The following ARHGAP10 variants were observed in gnomAD, a reference collection of about 807,000 sequenced individuals.
ARHGAP10 encodes the protein Rho GTPase activating protein 10.
A neutral mutation model predicts 108.6 loss-of-function variants in ARHGAP10; 87 were observed. The ratio of observed to expected loss-of-function variants is 0.80; its 90% CI spans 0.67 to 0.96. The LOEUF is 0.96. Ranked by LOEUF, ARHGAP10 falls within the 40% of genes least tolerant of loss-of-function variation. ARHGAP10 has a pLI of 0.00. For missense variants in ARHGAP10, 939 were observed against 954.5 expected, an observed-to-expected ratio of 0.98 and a Z score of 0.21; for synonymous variants, 347 against 341.1, an observed-to-expected ratio of 1.02 and a Z score of -0.19.
At chr4:147,972,928 AT>A in intron 18 of ARHGAP10, among the ~76,000 whole-genome samples, 1 of 151,470 alleles carries the variant, frequency 6.6e-6, no homozygotes, top group Admixed American at 6.6e-5. Flanking sequence ...CTAATTTTGT[AT>A]TTTTTAGTAG....
At chr4:147,737,482 G>A (rs1728471089) in intron 1 of ARHGAP10, among the ~76,000 whole-genome samples, 1 of 150,622 alleles carries the variant, frequency 6.6e-6, no homozygotes, top group Admixed American at 6.6e-5. Context: ...ATAAAGTGGT[G>A]TAATTGTAAA....
At chr4:148,058,308 T>C (rs1402252201) in intron 20 of ARHGAP10, among the ~76,000 whole-genome samples, 1 of 152,222 alleles carries the variant, frequency 6.6e-6, no homozygotes, top group Admixed American at 6.5e-5. Flanking sequence ...AACTTCTGAT[T>C]TGATCTCGTA....
intron 18 of ARHGAP10, among the ~76,000 whole-genome samples, chr4:147,977,633 A>G (rs372043748): frequency 1.3e-5 from 2 of 152,278 alleles, no homozygotes; most frequent in East Asian, 1.9e-4. Flanking sequence ...TTGAAATCTC[A>G]GCTCCACTCA....
At chr4:148,018,129 T>G (rs1741420189) in intron 18 of ARHGAP10, among the ~76,000 whole-genome samples, 1 of 152,204 alleles carries the variant, frequency 6.6e-6, no homozygotes, top group Non-Finnish European at 1.5e-5. Flanking sequence ...TTTCTTATGT[T>G]GTAAATACGT....
intron 3 of ARHGAP10, among the ~76,000 whole-genome samples, chr4:147,839,121 T>TATCC (rs1481904606): frequency 4.0e-5 from 6 of 148,490 alleles, no homozygotes; most frequent in Non-Finnish European, 7.5e-5. Context: ...TCTATCTATC[T>TATCC]ATCTATCTAT....
intron 20 of ARHGAP10, among the ~76,000 whole-genome samples, chr4:148,056,168 C>T (rs570189776): frequency 7.3e-4 from 111 of 152,232 alleles, no homozygotes; most frequent in Non-Finnish European, 1.1e-3. Context: ...AATAAGTTTA[C>T]TGATCTTGAG....
At chr4:147,815,460 A>G (rs566753337) in intron 1 of ARHGAP10, among the ~76,000 whole-genome samples, 4 of 151,568 alleles carry the variant, frequency 2.6e-5, no homozygotes, top group Non-Finnish European at 2.9e-5. Flanking sequence ...CCCTGAGATT[A>G]TTGGCCGGAG....
At chr4:147,785,359 T>C (rs1374110261) in intron 1 of ARHGAP10, among the ~76,000 whole-genome samples, 2 of 152,132 alleles carry the variant, frequency 1.3e-5, no homozygotes, top group East Asian at 3.8e-4. Flanking sequence ...ATTTGACATG[T>C]ATTGGTACAG....
chr4:147,885,661 C>T (rs1735518803), intron 10 of ARHGAP10, among the ~76,000 whole-genome samples: 1 of 152,180 alleles, frequency 6.6e-6, no homozygotes, highest in Non-Finnish European at 1.5e-5. Flanking sequence ...TCACGTTTGA[C>T]CTCCTGAAAC....
chr4:147,755,754 CTGGACTAT>C (rs1729341234), intron 1 of ARHGAP10, among the ~76,000 whole-genome samples: 1 of 152,052 alleles, frequency 6.6e-6, no homozygotes, highest in Non-Finnish European at 1.5e-5. Context: ...CTTTTAGAAG[CTGGACTAT>C]CACGAAAGAA....
chr4:148,005,953 GA>G (rs1740930133), intron 18 of ARHGAP10, among the ~76,000 whole-genome samples: 1 of 152,198 alleles, frequency 6.6e-6, no homozygotes, highest in African/African-American at 2.4e-5. Context: ...TCTTAGTGCA[GA>G]TTAAAAGTAG....
chr4:147,746,633 G>A (rs181252971), intron 1 of ARHGAP10, among the ~76,000 whole-genome samples: 187 of 151,974 alleles, frequency 1.2e-3, no homozygotes, highest in African/African-American at 4.2e-3. Context: ...CAGCTGATCC[G>A]CCCACCTCAG....
intron 10 of ARHGAP10, among the ~76,000 whole-genome samples, chr4:147,893,119 C>A (rs986435447): frequency 6.6e-6 from 1 of 151,914 alleles, no homozygotes; most frequent in African/African-American, 2.4e-5. Flanking sequence ...AGCGCAGTGG[C>A]GTGATCTTGG....
chr4:147,914,392 C>T (rs766991917), intron 13 of ARHGAP10, among the ~76,000 whole-genome samples: 1 of 151,486 alleles, frequency 6.6e-6, no homozygotes, highest in Non-Finnish European at 1.5e-5. Context: ...GGGCCTCACT[C>T]TGTCACCCAG....
intron 18 of ARHGAP10, among the ~76,000 whole-genome samples, chr4:148,000,867 T>G (rs2149644835): frequency 6.6e-6 from 1 of 152,350 alleles, no homozygotes; most frequent in Non-Finnish European, 1.5e-5. Flanking sequence ...TTTCTCCCAT[T>G]CTTTAGGTTG....
intron 15 of ARHGAP10, among the ~76,000 whole-genome samples, chr4:147,947,811 A>T (rs1366165552): frequency 6.6e-6 from 1 of 152,194 alleles, no homozygotes; most frequent in Non-Finnish European, 1.5e-5. Context: ...TTGTATTTTT[A>T]AAAAATTATG....
intron 19 of ARHGAP10, among the ~76,000 whole-genome samples, chr4:148,037,611 C>T (rs1049521559): frequency 4.6e-5 from 7 of 151,982 alleles, no homozygotes; most frequent in Admixed American, 3.9e-4. Context: ...AAGGCAGGGG[C>T]GGATCATGAG....
intron 10 of ARHGAP10, among the ~76,000 whole-genome samples, chr4:147,904,362 C>T (rs1736369714): frequency 6.6e-6 from 1 of 152,030 alleles, no homozygotes; most frequent in South Asian, 2.1e-4. Flanking sequence ...AGGTATATCT[C>T]CTAATGCTAT....
chr4:147,780,668 C>T (rs953304656), intron 1 of ARHGAP10, among the ~76,000 whole-genome samples: 4 of 152,096 alleles, frequency 2.6e-5, no homozygotes, highest in Non-Finnish European at 4.4e-5. Context: ...AAGTCACTTG[C>T]CTATCCAGAG....
Sources: allele counts gnomAD v4.1 joint callset (sites outside exome capture counted in the v4.1 genomes callset), GRCh38; gene constraint gnomAD v4.1.1; transcripts MANE v1.5; gene names NCBI Gene and HGNC (gene_info 2026-07-23, HGNC 2026-07-21).